Variants in ZFC3H1 observed in about 807,000 individuals in gnomAD.
ZFC3H1 encodes the protein zinc finger C3H1-type containing.
Under a neutral mutation model 243.7 loss-of-function variants are expected in ZFC3H1, and 71 were observed. The ratio of observed to expected loss-of-function variants is 0.29; its 90% CI spans 0.24 to 0.36. The LOEUF is 0.36. ZFC3H1 is among the 10% of genes least tolerant of loss of function. ZFC3H1 has a pLI of 1.00. For synonymous variants in ZFC3H1, 838 were observed against 813.0 expected (o/e 1.03, Z -0.52); for missense variants, 1,966 against 2,317.1 (o/e 0.85, Z 3.11).
rs771879916 is a variant in ZFC3H1, at chr12:71,631,826, C to T, written c.3422G>A (p.Cys1141Tyr). Reference protein sequence around the residue: ...AQSKTMEVKPCPFRPYHSPLL... With the variant: ...AQSKTMEVKPYPFRPYHSPLL... Reference sequence around the variant, plus strand: ...AGGACTATGGTAGGGTCTAAAAGGACATGGCTTCACTTCCATTGTTTTACT... The same window carrying T: ...AGGACTATGGTAGGGTCTAAAAGGATATGGCTTCACTTCCATTGTTTTACT... The change falls in exon 16 of 35, where the codon TGT becomes TAT. Residue 1141 changes from cysteine to tyrosine, a missense_variant. Coordinates refer to ENST00000378743, the MANE Select transcript of ZFC3H1 (RefSeq NM_144982.5). 4.3e-6 allele frequency: 7 copies of T among 1,613,662 alleles called. No homozygotes were observed. In the Admixed American group the frequency reaches 5.0e-5, roughly 12 times the overall value.
At chr12:71,650,887 A>G (rs1414723904) in intron 2 of ZFC3H1, among the ~76,000 whole-genome samples, 1 of 152,220 alleles carries the variant, frequency 6.6e-6, no homozygotes. Flanking sequence ...GGCTCTGTCT[A>G]TAAGATCTGC....
intron 2 of ZFC3H1, among the ~76,000 whole-genome samples, chr12:71,648,225 A>G (rs1267806044): frequency 6.6e-6 from 1 of 152,256 alleles, no homozygotes; most frequent in Non-Finnish European, 1.5e-5. Context: ...TGCAATGTTT[A>G]CAGACTGTAT....
At chr12:71,650,293 C>T (rs941043601) in intron 2 of ZFC3H1, among the ~76,000 whole-genome samples, 1 of 152,040 alleles carries the variant, frequency 6.6e-6, no homozygotes, top group Admixed American at 6.5e-5. Context: ...TTAATAAATA[C>T]AATAAATTCA....
intron 24 of ZFC3H1, among the ~76,000 whole-genome samples, chr12:71,622,838 G>A (rs773768435): frequency 2.6e-5 from 4 of 152,034 alleles, no homozygotes; most frequent in Non-Finnish European, 5.9e-5. Context: ...TAATAATTAT[G>A]ACAAATGTAT....
At position 71,644,302 on chromosome 12, in the gene ZFC3H1, C is replaced by T; in HGVS notation, c.1296G>A (p.Arg432=). ...KVSTTAKQAL[R]KQQTKAWKKL... is the part of the protein sequence containing the mutation. ...TCTTCCATGCCTTTGTTTGCTGCTT[C>T]CTCAATGCTTGTTTAGCTTTAAATA... is the stretch of plus-strand genomic sequence containing the variant. Residue 432 remains arginine (R), a synonymous_variant, in exon 5 of 35, where the codon AGG becomes AGA. Transcript: ENST00000378743. 1 of 1,612,900 alleles carries T rather than the reference C, an allele frequency of 6.2e-7. No individual in the cohort carries two copies.
In ZFC3H1 at chr12:71,623,187, A is replaced by G. The variant is rs186546113; in HGVS notation, c.4744+173T>C. On this transcript the variant is annotated intron_variant, in intron 24 of 34. Transcript: ENST00000378743. ...TTGGTTTTCAAAGATGCCAGTGTCC[A>G]TCTTCTCTGATTCAAGACTTAATTT... Among the ~76,000 whole-genome samples, 218 of 152,342 alleles carry G rather than the reference A, an allele frequency of 1.4e-3. 2 individuals are homozygous for G. Among genetic ancestry groups the G allele is most frequent in the African/African-American group, 4.8e-3 (199 of 41,584 alleles).
chr12:71,634,931 A>G (rs1730187409), intron 10 of ZFC3H1, 106 bp from the exon 11 acceptor site: 6 of 1,268,596 alleles, frequency 4.7e-6, no homozygotes, highest in Non-Finnish European at 6.3e-6. Flanking sequence ...GAATTTATTT[A>G]GAAATACCTG....
At position 71,639,491 on chromosome 12, in the gene ZFC3H1, G is replaced by A. The variant is rs145409497; in HGVS notation, c.1628-976C>T. On this transcript the variant is annotated intron_variant, in intron 6 of 34. Coordinates refer to ENST00000378743, the MANE Select transcript of ZFC3H1 (RefSeq NM_144982.5). ...GTTTAATAGTCAGACACTTGATGGT[G>A]CTATTGTTTTATGGACTTGGCATGT... is the stretch of plus-strand genomic sequence containing the variant. 100 of 197,212 alleles carry A rather than the reference G, an allele frequency of 5.1e-4. 2 individuals are homozygous for A. The East Asian group carries it at 0.015, about 30-fold the overall frequency. The allele number at this position is 197,212 out of a possible 1,614,324, so 12.2% of individuals were successfully genotyped here.
intron 2 of ZFC3H1, among the ~76,000 whole-genome samples, chr12:71,652,194 A>G (rs1880906729): frequency 1.3e-5 from 2 of 150,826 alleles, no homozygotes; most frequent in Admixed American, 1.3e-4. Context: ...AGAAACATTT[A>G]TATATATAAT....
intron 6 of ZFC3H1, among the ~76,000 whole-genome samples, chr12:71,639,912 G>T (rs1329546335): frequency 6.6e-6 from 1 of 152,222 alleles, no homozygotes; most frequent in Non-Finnish European, 1.5e-5. Flanking sequence ...CTATGCTCTT[G>T]ATTCTGTGTC....
chr12:71,631,286 A>C (rs1477020521), intron 16 of ZFC3H1, among the ~76,000 whole-genome samples: 1 of 152,100 alleles, frequency 6.6e-6, no homozygotes, highest in Non-Finnish European at 1.5e-5. Flanking sequence ...ATCTGGAAAA[A>C]GTCTATATTA....
intron 1 of ZFC3H1, among the ~76,000 whole-genome samples, chr12:71,658,531 C>T (rs893609913): frequency 2.6e-5 from 4 of 151,868 alleles, no homozygotes; most frequent in African/African-American, 4.8e-5. Context: ...TCAGGTAATC[C>T]GCCCACCTTG....
chr12:71,629,560 C>CACACACAA, intron 19 of ZFC3H1, 49 bp downstream of exon 19: 1 of 760,036 alleles, frequency 1.3e-6, no homozygotes. Flanking sequence ...ATACAGTACA[C>CACACACAA]ACACACACAC....
intron 27 of ZFC3H1, 42 bp downstream of exon 27, chr12:71,619,273 C>A: frequency 6.4e-7 from 1 of 1,553,490 alleles, no homozygotes; most frequent in Non-Finnish European, 8.8e-7. Context: ...CTGAACTGTG[C>A]TCTCTCTCAT....
In ZFC3H1 at chr12:71,633,351, T is replaced by G. The variant is rs772729995; in HGVS notation, c.2598A>C (p.Ala866=). The change falls in exon 13 of 35, where the codon GCA becomes GCC. Residue 866 remains alanine (A), a synonymous_variant. Coordinates refer to ENST00000378743, the MANE Select transcript of ZFC3H1 (RefSeq NM_144982.5). ...GCTGTTCTGTAAGTTTTGTAATCTTTGCTTCAGCATTTCTAACAGATTCTT... is the reference window on the plus strand; with the variant it reads ...GCTGTTCTGTAAGTTTTGTAATCTTGGCTTCAGCATTTCTAACAGATTCTT... ...KKKESVRNAE[A]KITKLTEQLQ... is the part of the protein sequence containing the mutation. The G allele has an allele frequency of 9.4e-6, 15 of 1,603,294 alleles. No homozygotes were observed. The Admixed American group carries it at 2.6e-4, about 27-fold the overall frequency.
At position 71,610,464 on chromosome 12, in the gene ZFC3H1, A is replaced by C. The variant is rs1305374469; in HGVS notation, c.5934T>G (p.Asn1978Lys). 3.1e-6 allele frequency: 5 copies of C among 1,613,528 alleles called. No homozygotes were observed. Among genetic ancestry groups the C allele is most frequent in the Non-Finnish European group, 4.2e-6 (5 of 1,179,570 alleles). Residue 1978 changes from asparagine (N) to lysine (K), a missense_variant, in exon 35 of 35, where the codon AAT (asparagine) becomes AAG (lysine). By Grantham distance (94) the Asn-to-Lys change is moderately conservative (BLOSUM62 0). Transcript: ENST00000378743. ...EIGVSLNELL[N>K]LNSNKTESKN... Reference sequence around the variant, plus strand: ...TGCTTTCTGTTTTGTTACTGTTTAAATTTAAGAGCTCATTTAGGCTGACTC... The same window carrying C: ...TGCTTTCTGTTTTGTTACTGTTTAACTTTAAGAGCTCATTTAGGCTGACTC...
At chr12:71,622,806 C>T (rs537368801) in intron 24 of ZFC3H1, among the ~76,000 whole-genome samples, 19 of 152,246 alleles carry the variant, frequency 1.2e-4, no homozygotes, top group Non-Finnish European at 2.4e-4. Context: ...TACTAACACA[C>T]AGTTATATGG....
Position 71,631,994 on chromosome 12 carries a change from G to T in ZFC3H1, c.3338C>A (p.Thr1113Lys). Residue 1113 changes from threonine (T) to lysine (K), a missense_variant, in exon 15 of 35, where the codon ACA (threonine) becomes AAA (lysine). Around this residue, in one of 4 missense-constraint regions of ZFC3H1, gnomAD observed 1,383 missense variants for 1,723.7 expected, o/e 0.80. Coordinates refer to ENST00000378743, the MANE Select transcript of ZFC3H1 (RefSeq NM_144982.5). ...TACCTGACCATGCAAAACCTTCTCT[G>T]TAATGCCTGTGGTGGTTTTTAAAAT... Reference protein sequence around the residue: ...QLILKTTTGITEKVLHGQEIS... With the variant: ...QLILKTTTGIKEKVLHGQEIS... The T allele has an allele frequency of 1.9e-6, 3 of 1,599,924 alleles. No individual in the cohort carries two copies. Among genetic ancestry groups the T allele is most frequent in the Non-Finnish European group, 2.6e-6 (3 of 1,174,834 alleles).
intron 1 of ZFC3H1, chr12:71,660,378 G>C (rs370016066): frequency 1.3e-5 from 2 of 152,028 alleles, no homozygotes; most frequent in Non-Finnish European, 2.9e-5. Context: ...TACTTCATAG[G>C]GAAAACAATG....
Sources: allele counts gnomAD v4.1 joint callset (sites outside exome capture counted in the v4.1 genomes callset), GRCh38; gene constraint gnomAD v4.1.1; regional missense constraint gnomAD v4.1.1; transcripts MANE v1.5; gene names NCBI Gene and HGNC (gene_info 2026-07-23, HGNC 2026-07-21).